BACE2: variants seen among roughly 807,000 people sequenced by gnomAD.
BACE2 encodes the protein beta-secretase 2.
BACE2 carries 17 observed loss-of-function variants against 46.2 expected under a neutral mutation model. That is an observed-to-expected ratio of 0.37 (90% CI 0.25 to 0.55). The LOEUF is 0.55. Among genes scored for constraint, BACE2 ranks in the 20% least tolerant of loss-of-function variants. The probability of loss-of-function intolerance (pLI) is 0.82; values close to 1 mark genes in which losing one functional copy is unlikely to be tolerated. For missense variants in BACE2, 595 were observed against 698.1 expected, an observed-to-expected ratio of 0.85 and a Z score of 1.66; for synonymous variants, 277 against 295.9, an observed-to-expected ratio of 0.94 and a Z score of 0.66.
chr21:41,201,348 T>C (rs1985962665), intron 1 of BACE2, among the ~76,000 whole-genome samples: 1 of 152,240 alleles, frequency 6.6e-6, no homozygotes, highest in African/African-American at 2.4e-5. Flanking sequence ...TCAAGACACA[T>C]CCCACTTGGG....
intron 1 of BACE2, among the ~76,000 whole-genome samples, chr21:41,202,630 C>T (rs1394147842): frequency 2.0e-5 from 3 of 152,124 alleles, no homozygotes; most frequent in Non-Finnish European, 2.9e-5. Context: ...AAAGGGAGAA[C>T]GTGGTGAAAA....
At chr21:41,201,197 CA>C (rs2123529380) in intron 1 of BACE2, among the ~76,000 whole-genome samples, 1 of 152,364 alleles carries the variant, frequency 6.6e-6, no homozygotes, top group South Asian at 2.1e-4. Context: ...TTATCTTACG[CA>C]GTCTTTTGTT....
chr21:41,171,430 C>T (rs1293400866), intron 1 of BACE2, among the ~76,000 whole-genome samples: 5 of 152,232 alleles, frequency 3.3e-5, no homozygotes, highest in Admixed American at 3.3e-4. Context: ...CCCAGTGACT[C>T]TGTGAGGAGT....
In BACE2 at chr21:41,237,525, C is replaced by T. The variant is rs1205615626; in HGVS notation, c.414C>T (p.Tyr138=). The change falls in exon 3 of 9, where the codon TAC becomes TAT. Residue 138 remains tyrosine, a synonymous_variant. Transcript: ENST00000330333. ...TTTCTTTCTCCAGGTCTAGCACATACCGCTCCAAGGGCTTTGACGTCACAG... is the reference window on the plus strand; with the variant it reads ...TTTCTTTCTCCAGGTCTAGCACATATCGCTCCAAGGGCTTTGACGTCACAG... ...TYFDTERSST[Y]RSKGFDVTVK... is the part of the protein sequence containing the mutation. 1.2e-6 allele frequency: 2 copies of T among 1,613,810 alleles called. No homozygotes were observed. The highest frequency in any genetic ancestry group is 1.7e-6 in the Non-Finnish European group (2 of 1,179,806).
Position 41,257,124 on chromosome 21 carries a change from CTTGT to C in BACE2, c.1135-26_1135-23del, listed in dbSNP as rs746598967. 4 of 1,612,806 alleles carry C rather than the reference CTTGT, an allele frequency of 2.5e-6. No homozygotes were observed. In the African/African-American group the frequency reaches 5.3e-5, roughly 22 times the overall value. ...TGATACTGCCTGATTTGTGCTTTTT[CTTGT>C]TTGTTTGCTCTCTCCTCTCCGACAA... On this transcript the variant is annotated intron_variant, in intron 7 of 8. Coordinates refer to ENST00000330333, the MANE Select transcript of BACE2 (RefSeq NM_012105.5).
At position 41,168,520 on chromosome 21, in the gene BACE2, G is replaced by T. The variant is rs1287638746; in HGVS notation, c.257G>T (p.Gly86Val). 7.4e-7 allele frequency: 1 copy of T among 1,356,694 alleles called. No homozygotes were observed. The highest frequency in any genetic ancestry group is 9.5e-7 in the Non-Finnish European group (1 of 1,047,186). The allele number at this position is 1,356,694 out of a possible 1,614,324, so 84.0% of individuals were successfully genotyped here. Reference protein sequence around the residue: ...NFLAMVDNLQGDSGRGYYLEM... With the variant: ...NFLAMVDNLQVDSGRGYYLEM... ...TTGGCCATGGTAGACAACCTGCAGG[G>T]GGACTCTGGCCGCGGCTACTACCTG... is the stretch of plus-strand genomic sequence containing the variant. Residue 86 changes from glycine to valine, a missense_variant, in exon 1 of 9, where the codon GGG becomes GTG. By Grantham distance (109) the Gly-to-Val change is moderately radical (BLOSUM62 -3). Transcript: ENST00000330333.
intron 1 of BACE2, chr21:41,178,450 A>G (rs1329805134): frequency 6.6e-6 from 1 of 152,250 alleles, no homozygotes; most frequent in African/African-American, 2.4e-5. Flanking sequence ...TCTTCGGCAC[A>G]TTGGCTGGGT....
chr21:41,227,329 T>G (rs758370540), intron 2 of BACE2, among the ~76,000 whole-genome samples: 12 of 152,240 alleles, frequency 7.9e-5, no homozygotes, highest in Non-Finnish European at 1.8e-4. Context: ...GTTTCCCTAC[T>G]GTAAATTCTT....
chr21:41,179,112 CCAGGGTGAGGAGTGAGGGTGT>C (rs1339806958), intron 1 of BACE2: 7 of 1,068,496 alleles, frequency 6.6e-6, no homozygotes, highest in Non-Finnish European at 7.0e-6. Flanking sequence ...ACTGAGGGTG[CCAGGGTGAGGAGTGAGGGTGT>C]CAGGGTGAGG....
chr21:41,187,927 A>G (rs1231219902), intron 1 of BACE2, among the ~76,000 whole-genome samples: 1 of 152,248 alleles, frequency 6.6e-6, no homozygotes, highest in Middle Eastern at 3.2e-3. Flanking sequence ...TAGCTCCCAC[A>G]GCTTTTGTAT....
In BACE2 at chr21:41,168,530, C is replaced by T. The variant is rs751175828; in HGVS notation, c.267C>T (p.Gly89=). 7.4e-7 allele frequency: 1 copy of T among 1,346,780 alleles called. No homozygotes were observed. Among genetic ancestry groups the T allele is most frequent in the South Asian group, 2.3e-5 (1 of 42,630 alleles). The allele number at this position is 1,346,780 out of a possible 1,614,324, so 83.4% of individuals were successfully genotyped here. The part of the protein sequence containing the change: ...AMVDNLQGDS[G]RGYYLEMLIG... ...TAGACAACCTGCAGGGGGACTCTGG[C>T]CGCGGCTACTACCTGGAGATGCTGA... The change falls in exon 1 of 9, where the codon GGC becomes GGT. Residue 89 remains glycine (G), a synonymous_variant. Transcript: ENST00000330333.
At chr21:41,219,520 C>T (rs886213112) in intron 1 of BACE2, among the ~76,000 whole-genome samples, 2 of 152,106 alleles carry the variant, frequency 1.3e-5, no homozygotes, top group East Asian at 1.9e-4. Flanking sequence ...ATGCCTGCCC[C>T]CTTTGAGAAT....
At chr21:41,213,832 C>T (rs1986373499) in intron 1 of BACE2, among the ~76,000 whole-genome samples, 1 of 151,842 alleles carries the variant, frequency 6.6e-6, no homozygotes. Flanking sequence ...AAAGTTTTGA[C>T]TGTTTCCAAG....
chr21:41,229,050 A>G (rs889855427), intron 2 of BACE2, among the ~76,000 whole-genome samples: 1 of 152,204 alleles, frequency 6.6e-6, no homozygotes. Context: ...ACTGCCCTTC[A>G]CATTCCAGGA....
intron 1 of BACE2, among the ~76,000 whole-genome samples, chr21:41,171,497 C>T (rs1037565440): frequency 1.3e-5 from 2 of 152,236 alleles, no homozygotes; most frequent in African/African-American, 2.4e-5. Context: ...TGCTGGCAGG[C>T]AGGGCCACGT....
chr21:41,218,514 G>C (rs1986543915), intron 1 of BACE2, among the ~76,000 whole-genome samples: 1 of 152,286 alleles, frequency 6.6e-6, no homozygotes, highest in African/African-American at 2.4e-5. Flanking sequence ...CAGGAGGACT[G>C]GTAGGAAGGA....
intron 2 of BACE2, among the ~76,000 whole-genome samples, chr21:41,235,106 T>G (rs1290702271): frequency 6.6e-6 from 1 of 152,188 alleles, no homozygotes; most frequent in Non-Finnish European, 1.5e-5. Context: ...ATTATAAAAA[T>G]AATGCATGCA....
chr21:41,241,205 A>C (rs1987276736), intron 3 of BACE2, among the ~76,000 whole-genome samples: 1 of 152,176 alleles, frequency 6.6e-6, no homozygotes, highest in South Asian at 2.1e-4. Context: ...GACACAGAGC[A>C]CACGAGGGCT....
chr21:41,224,743 A>G (rs1384358220), intron 1 of BACE2, among the ~76,000 whole-genome samples: 1 of 152,166 alleles, frequency 6.6e-6, no homozygotes, highest in Non-Finnish European at 1.5e-5. Flanking sequence ...TCCCTAGGGG[A>G]CTGCAGATTA....
Sources: gnomAD v4.1 joint callset for allele counts (sites outside exome capture counted in the v4.1 genomes callset) on GRCh38, gnomAD v4.1.1 for gene constraint, MANE v1.5 for transcripts, NCBI Gene and HGNC (gene_info 2026-07-23, HGNC 2026-07-21) for gene names.